The following COMT variants were observed in gnomAD, a reference collection of about 807,000 sequenced individuals.
COMT encodes the protein catechol-O-methyltransferase.
Under a neutral mutation model 18.9 loss-of-function variants are expected in COMT, and 13 were observed. The observed-to-expected ratio is 0.69, with a 90% CI of 0.45 to 1.09. COMT has a LOEUF of 1.09. Ranked by LOEUF, COMT falls within the 50% of genes least tolerant of loss-of-function variation. COMT has a pLI of 0.00. For synonymous variants in COMT, 150 were observed against 160.9 expected, an observed-to-expected ratio of 0.93 and a Z score of 0.51; for missense variants, 329 against 361.8, an observed-to-expected ratio of 0.91 and a Z score of 0.73.
intron 3 of COMT, among the ~76,000 whole-genome samples, chr22:19,963,172 T>C (rs1452066309): frequency 6.6e-6 from 1 of 152,106 alleles, no homozygotes; most frequent in Non-Finnish European, 1.5e-5. Flanking sequence ...GCACAGGATG[T>C]GTTACCGGGC....
intron 1 of COMT, among the ~76,000 whole-genome samples, chr22:19,945,888 C>A (rs5993879): frequency 0.28 from 43,022 of 152,080 alleles, 6,230 homozygotes; most frequent in Middle Eastern, 0.37. Flanking sequence ...GATGGTCTCG[C>A]TCTCCAGACC....
intron 5 of COMT, chr22:19,964,914 G>A (rs1461949123): frequency 4.7e-6 from 1 of 211,514 alleles, no homozygotes; most frequent in East Asian, 1.1e-4. Flanking sequence ...CTCCCTGGTG[G>A]TCAGCGACAC....
intron 1 of COMT, among the ~76,000 whole-genome samples, chr22:19,943,808 G>A: frequency 6.6e-6 from 1 of 152,178 alleles, no homozygotes. Flanking sequence ...GGGACTTCCT[G>A]GTGTGTGGTG....
chr22:19,968,003 T>A (rs1361619571), intron 5 of COMT, among the ~76,000 whole-genome samples: 1 of 152,130 alleles, frequency 6.6e-6, no homozygotes, highest in Non-Finnish European at 1.5e-5. Context: ...CTGGTGAAGA[T>A]GGGGGGTCTG....
chr22:19,963,641 C>T lies in COMT; in HGVS notation c.365C>T (p.Ser122Leu). Residue 122 changes from serine to leucine, a missense_variant, in exon 4 of 6, where the codon TCA (serine) becomes TTA (leucine). Physicochemically the swap from Ser to Leu is moderately radical, Grantham distance 145. Coordinates refer to ENST00000361682, the MANE Select transcript of COMT (RefSeq NM_000754.4). ...GAGCTGGGGGCCTACTGTGGCTACT[C>T]AGCTGTGCGCATGGCCCGCCTGCTG... ...LLELGAYCGY[S>L]AVRMARLLSP... is the part of the protein sequence containing the mutation. 1 of 1,612,948 alleles carries T rather than the reference C, an allele frequency of 6.2e-7. No homozygotes were observed. The highest frequency in any genetic ancestry group is 1.1e-5 in the South Asian group (1 of 91,088).
chr22:19,962,635 G>A lies in COMT; in HGVS notation c.109G>A (p.Gly37Ser), dbSNP rs770700364. ...RHWGWGLCLI[G>S]WNEFILQPIH... ...CTGGGGCTGGGGCCTGTGCCTTATC[G>A]GCTGGAACGAGTTCATCCTGCAGCC... The change falls in exon 3 of 6, where the codon GGC becomes AGC. Residue 37 changes from glycine to serine, a missense_variant. Physicochemically the swap from Gly to Ser is moderately conservative, Grantham distance 56 (BLOSUM62 0). Coordinates refer to ENST00000361682, the MANE Select transcript of COMT (RefSeq NM_000754.4). The A allele has an allele frequency of 1.1e-5, 18 of 1,604,790 alleles. No homozygotes were observed. Among genetic ancestry groups the A allele is most frequent in the East Asian group, 2.3e-5 (1 of 44,278 alleles).
At chr22:19,963,205 A>G (rs1278200064) in intron 3 of COMT, 3 of 480,356 alleles carry the variant, frequency 6.2e-6, no homozygotes, top group Non-Finnish European at 1.1e-5. Context: ...TCAGGGAACT[A>G]GTGCCGCCCC....
intron 1 of COMT, among the ~76,000 whole-genome samples, chr22:19,953,654 C>A (rs931911781): frequency 1.3e-5 from 2 of 152,176 alleles, no homozygotes; most frequent in Non-Finnish European, 2.9e-5. Context: ...AGGGCAGGCT[C>A]CCGGGCTCAG....
chr22:19,958,218 G>A lies in COMT; in HGVS notation c.-91-2981G>A, dbSNP rs1396639504. On this transcript the variant is annotated intron_variant, in intron 1 of 5. Coordinates refer to ENST00000361682, the MANE Select transcript of COMT (RefSeq NM_000754.4). ...CTTGCTCTGTTGCCCAGGCTGGAGT[G>A]CAGTGGCAGGATCACAGCCCTGTGC... 4.1e-5 allele frequency among the ~76,000 whole-genome samples: 6 copies of A among 146,612 alleles called. No individual in the cohort carries two copies. The East Asian group carries it at 1.2e-3, about 29-fold the overall frequency.
At chr22:19,943,809 G>C (rs1569123153) in intron 1 of COMT, among the ~76,000 whole-genome samples, 1 of 152,186 alleles carries the variant, frequency 6.6e-6, no homozygotes, top group Non-Finnish European at 1.5e-5. Flanking sequence ...GGACTTCCTG[G>C]TGTGTGGTGT....
intron 1 of COMT, among the ~76,000 whole-genome samples, chr22:19,947,696 A>C (rs1941862164): frequency 6.6e-6 from 1 of 152,236 alleles, no homozygotes; most frequent in South Asian, 2.1e-4. Context: ...TGACTGCTTA[A>C]GCACAGCATC....
rs763598655 is a variant in COMT at position 19,950,261 on chromosome 22, T to TTTTTTTTTTG, written c.-92+8366_-92+8367insTTTTTTTGTT. On this transcript the variant is annotated intron_variant, in intron 1 of 5. Coordinates refer to ENST00000361682, the MANE Select transcript of COMT (RefSeq NM_000754.4). The stretch of plus-strand genomic sequence containing the variant: ...CTTTTCTTTTTTTTTTTTTTTTTTT[T>TTTTTTTTTTG]TTCTGTAGAGACAAGGTCTTGCTGT... 8.8e-4 allele frequency among the ~76,000 whole-genome samples: 117 copies of TTTTTTTTTTG among 132,800 alleles called. 2 individuals are homozygous for TTTTTTTTTTG. The highest frequency in any genetic ancestry group is 1.4e-3 in the Non-Finnish European group (88 of 60,848). The allele number at this position is 132,800 out of a possible 152,430, so 87.1% of individuals were successfully genotyped here.
At position 19,968,678 on chromosome 22, in the gene COMT, T is replaced by C. The variant is rs1267202190; in HGVS notation, c.758T>C (p.Val253Ala). 2.5e-6 allele frequency: 4 copies of C among 1,613,758 alleles called. No individual in the cohort carries two copies. Among genetic ancestry groups the C allele is most frequent in the South Asian group, 1.1e-5 (1 of 91,076 alleles). ...HYQSFLEYRE[V>A]VDGLEKAIYK... is the part of the protein sequence containing the mutation. ...CAATCGTTCCTGGAATACAGGGAGG[T>C]GGTGGACGGCCTGGAGAAGGCCATC... Residue 253 changes from valine to alanine, a missense_variant, in exon 6 of 6, where the codon GTG becomes GCG. Val to Ala is a moderately conservative substitution (Grantham distance 64). Transcript: ENST00000361682.
At chr22:19,962,857 C>G (rs1942230974) in intron 3 of COMT, 42 bp downstream of exon 3, 3 of 1,574,992 alleles carry the variant, frequency 1.9e-6, no homozygotes, top group Non-Finnish European at 2.6e-6. Context: ...GGGACAGGGA[C>G]CCAGGACCAG....
intron 5 of COMT, among the ~76,000 whole-genome samples, chr22:19,967,979 C>G (rs1005519150): frequency 4.6e-5 from 7 of 152,204 alleles, no homozygotes; most frequent in Non-Finnish European, 7.3e-5. Flanking sequence ...CTGTGTCCTC[C>G]CAGGGCCCAG....
rs369908847 is a variant in COMT, at chr22:19,968,712, C to A, written c.792C>A (p.Gly264=). ...GCCTGGAGAAGGCCATCTACAAGGGCCCAGGCAGCGAAGCAGGGCCCTGAC... is the reference window on the plus strand; with the variant it reads ...GCCTGGAGAAGGCCATCTACAAGGGACCAGGCAGCGAAGCAGGGCCCTGAC... ...VDGLEKAIYK[G]PGSEAGP is the part of the protein sequence containing the mutation. Residue 264 remains glycine (G), a synonymous_variant, in exon 6 of 6, where the codon GGC becomes GGA. Transcript: ENST00000361682. 18 of 1,611,994 alleles carry A rather than the reference C, an allele frequency of 1.1e-5. No individual in the cohort carries two copies. Among genetic ancestry groups the A allele is most frequent in the African/African-American group, 2.7e-5 (2 of 74,650 alleles).
chr22:19,968,907 G>C lies in COMT; in HGVS notation c.*171G>C. ...CCTCTCTGAACTGCAACACTGGATT[G>C]TTCTTTTTTAAGACTCAATCATGAC... On this transcript the variant is annotated 3_prime_UTR_variant, in exon 6 of 6. Transcript: ENST00000361682. 1.6e-6 allele frequency: 1 copy of C among 630,796 alleles called. No individual in the cohort carries two copies. Among genetic ancestry groups the C allele is most frequent in the South Asian group, 1.8e-5 (1 of 54,574 alleles). The allele number at this position is 630,796 out of a possible 1,614,324, so 39.1% of individuals were successfully genotyped here. A position where few individuals can be genotyped will look rare whatever the true frequency, so the allele number is the denominator to read the frequency against.
chr22:19,967,174 C>G, intron 5 of COMT: 1 of 1,304,616 alleles, frequency 7.7e-7, no homozygotes, highest in Non-Finnish European at 1.0e-6. Context: ...GTGCAGTGGT[C>G]TGGTGTCTTT....
intron 1 of COMT, among the ~76,000 whole-genome samples, chr22:19,956,493 C>A (rs1285500118): frequency 6.6e-6 from 1 of 151,472 alleles, no homozygotes; most frequent in Non-Finnish European, 1.5e-5. Flanking sequence ...TCTCCTGCCT[C>A]AGCCTCCTGA....
Sources: gnomAD v4.1 joint callset for allele counts (sites outside exome capture counted in the v4.1 genomes callset) on GRCh38, gnomAD v4.1.1 for gene constraint, MANE v1.5 for transcripts, NCBI Gene and HGNC (gene_info 2026-07-23, HGNC 2026-07-21) for gene names.